CSMD2: variants seen among roughly 807,000 people sequenced by gnomAD.
The protein encoded by CSMD2 is CUB and sushi domain-containing protein 2.
CSMD2 carries 130 observed loss-of-function variants against 398.5 expected under a neutral mutation model. That is an observed-to-expected ratio of 0.33 (90% CI 0.28 to 0.38). The LOEUF (loss-of-function observed/expected upper bound fraction) is 0.38, where lower values mean the gene tolerates loss of function less well. Among genes scored for constraint, CSMD2 ranks in the 10% least tolerant of loss-of-function variants. The probability of loss-of-function intolerance (pLI) is 1.00; values close to 1 mark genes in which losing one functional copy is unlikely to be tolerated. For synonymous variants in CSMD2, 1,828 were observed against 1,908.5 expected (o/e 0.96, Z 1.10); for missense variants, 3,829 against 4,764.9 (o/e 0.80, Z 5.78).
chr1:33,568,126 CCTT>C (rs1198425949), intron 52 of CSMD2, among the ~76,000 whole-genome samples: 1 of 151,564 alleles, frequency 6.6e-6, no homozygotes, highest in East Asian at 1.9e-4. Flanking sequence ...TACAAAAAAG[CCTT>C]CTATAAAAAA....
chr1:33,975,685 C>T (rs1223694855), intron 3 of CSMD2, among the ~76,000 whole-genome samples: 1 of 152,108 alleles, frequency 6.6e-6, no homozygotes, highest in Non-Finnish European at 1.5e-5. Flanking sequence ...AGGGGAGGGC[C>T]TCCCCTCTGT....
At chr1:33,563,590 C>T (rs1453412655) in intron 53 of CSMD2, among the ~76,000 whole-genome samples, 3 of 152,132 alleles carry the variant, frequency 2.0e-5, no homozygotes, top group Admixed American at 6.5e-5. Flanking sequence ...GTAGGCACCA[C>T]CACTATACCC....
At chr1:34,086,165 C>A (rs1301550108) in intron 2 of CSMD2, among the ~76,000 whole-genome samples, 2 of 152,194 alleles carry the variant, frequency 1.3e-5, no homozygotes, top group Non-Finnish European at 1.5e-5. Context: ...GCTGTCCATA[C>A]CTCAATCAGT....
At position 33,743,615 on chromosome 1, in the gene CSMD2, G is replaced by C; in HGVS notation, c.1847-9C>G. Reference sequence around the variant, plus strand: ...GTTGAAGAAGCAGGAGACTGCAAGAGAAGAGCAGTGGAGGTCAGTAAGCAT... The same window carrying C: ...GTTGAAGAAGCAGGAGACTGCAAGACAAGAGCAGTGGAGGTCAGTAAGCAT... On this transcript the variant is annotated splice_polypyrimidine_tract_variant and intron_variant, in intron 13 of 70. Transcript: ENST00000373381. 4 of 1,577,910 alleles carry C rather than the reference G, an allele frequency of 2.5e-6. No individual in the cohort carries two copies. The highest frequency in any genetic ancestry group is 3.5e-6 in the Non-Finnish European group (4 of 1,157,926).
At position 33,680,999 on chromosome 1, in the gene CSMD2, A is replaced by G. The variant is rs113851718; in HGVS notation, c.4052+11931T>C. On this transcript the variant is annotated intron_variant, in intron 25 of 70. Transcript: ENST00000373381. ...GAGTACAGTGGCATGATCTAAGCCCACTATAAGCTCCGCCTCCTGTGTTCA... is the reference window on the plus strand; with the variant it reads ...GAGTACAGTGGCATGATCTAAGCCCGCTATAAGCTCCGCCTCCTGTGTTCA... Among the ~76,000 whole-genome samples, 989 of 120,668 alleles carry G rather than the reference A, an allele frequency of 8.2e-3. 19 individuals carry two copies. Among genetic ancestry groups the G allele is most frequent in the African/African-American group, 0.029 (917 of 31,436 alleles). 79.2% of individuals were successfully genotyped at this position (120,668 alleles called of 152,430 possible). A position where few individuals can be genotyped will look rare whatever the true frequency, so the allele number is the denominator to read the frequency against.
intron 27 of CSMD2, 75 bp downstream of exon 27, chr1:33,657,871 T>C (rs1643998647): frequency 7.2e-7 from 1 of 1,393,554 alleles, no homozygotes; most frequent in Non-Finnish European, 9.9e-7. Flanking sequence ...AAGATGCAGC[T>C]GCTGTGCATG....
intron 3 of CSMD2, among the ~76,000 whole-genome samples, chr1:33,958,261 T>C (rs993986300): frequency 2.0e-5 from 3 of 152,178 alleles, no homozygotes; most frequent in African/African-American, 4.8e-5. Flanking sequence ...ATGAGGACAA[T>C]GATAGTACCT....
intron 25 of CSMD2, among the ~76,000 whole-genome samples, chr1:33,668,209 G>A (rs540958352): frequency 1.3e-5 from 2 of 152,316 alleles, no homozygotes; most frequent in African/African-American, 2.4e-5. Flanking sequence ...GGTAGGCAGG[G>A]GCAGGGCTGG....
At chr1:33,944,075 A>C (rs762556643) in intron 3 of CSMD2, among the ~76,000 whole-genome samples, 3 of 152,054 alleles carry the variant, frequency 2.0e-5, no homozygotes, top group Non-Finnish European at 4.4e-5. Context: ...GATTTTTTCC[A>C]TGCAGTGTGA....
intron 25 of CSMD2, among the ~76,000 whole-genome samples, chr1:33,664,481 T>C (rs1644244241): frequency 6.6e-6 from 1 of 152,150 alleles, no homozygotes; most frequent in Non-Finnish European, 1.5e-5. Flanking sequence ...CTTGCCAAAG[T>C]AATTCTAGGG....
At position 34,147,974 on chromosome 1, in the gene CSMD2, C is replaced by T. The variant is rs577029893; in HGVS notation, c.187+16937G>A. ...GACAGAGCCTGTGGTCCAGAGTGGT[C>T]GAAAGCCAGAGGCAGGACACTCTAG... On this transcript the variant is annotated intron_variant, in intron 1 of 70. Transcript: ENST00000373381. 1.6e-4 allele frequency among the ~76,000 whole-genome samples: 25 copies of T among 151,810 alleles called. No individual in the cohort carries two copies. The South Asian group carries it at 3.2e-3, about 19-fold the overall frequency.
rs765814277 is a variant in CSMD2, at chr1:33,726,665, T to A, written c.2389A>T (p.Thr797Ser). The change falls in exon 16 of 71, where the codon ACT (threonine) becomes TCT (serine). Residue 797 changes from threonine to serine, a missense_variant. This residue lies in a region of CSMD2 where 2,001 missense variants were observed against 2,567.1 expected (regional missense o/e 0.78). Transcript: ENST00000373381. ...RCEAPCGGHLTSPSGTILSPG... is the reference protein window; with the variant it reads ...RCEAPCGGHLSSPSGTILSPG... Reference sequence around the variant, plus strand: ...GAGAGGATGGTGCCGCTGGGCGAAGTCAGGTGACCACCACAGGGAGCTGGG... The same window carrying A: ...GAGAGGATGGTGCCGCTGGGCGAAGACAGGTGACCACCACAGGGAGCTGGG... 2 of 1,612,022 alleles carry A rather than the reference T, an allele frequency of 1.2e-6. No individual in the cohort carries two copies. Among genetic ancestry groups the A allele is most frequent in the Admixed American group, 3.3e-5 (2 of 59,988 alleles).
intron 25 of CSMD2, among the ~76,000 whole-genome samples, chr1:33,675,540 C>T (rs1302904925): frequency 1.3e-5 from 2 of 152,182 alleles, no homozygotes; most frequent in Non-Finnish European, 2.9e-5. Flanking sequence ...CAAGGAGAAG[C>T]TGGTACCATT....
intron 3 of CSMD2, among the ~76,000 whole-genome samples, chr1:33,941,848 T>A (rs970560781): frequency 2.6e-5 from 4 of 151,816 alleles, no homozygotes; most frequent in Admixed American, 1.3e-4. Flanking sequence ...ACATGAGATA[T>A]ATAATTATAC....
intron 55 of CSMD2, 117 bp downstream of exon 55, chr1:33,557,617 G>GACGCAC (rs1658136901): frequency 1.7e-6 from 1 of 595,008 alleles, no homozygotes; most frequent in South Asian, 2.5e-5. Context: ...TACATGTGCA[G>GACGCAC]ACACACACAC....
intron 40 of CSMD2, among the ~76,000 whole-genome samples, chr1:33,612,565 T>C (rs1641079906): frequency 1.3e-5 from 2 of 152,236 alleles, no homozygotes; most frequent in African/African-American, 4.8e-5. Flanking sequence ...TACAAAAATA[T>C]AGTTCATTCA....
intron 15 of CSMD2, among the ~76,000 whole-genome samples, chr1:33,732,282 C>G (rs1284904321): frequency 6.6e-6 from 1 of 152,210 alleles, no homozygotes; most frequent in Non-Finnish European, 1.5e-5. Context: ...GAATGAAATA[C>G]TGGTTGATAG....
intron 25 of CSMD2, among the ~76,000 whole-genome samples, chr1:33,677,418 C>T (rs1350138506): frequency 1.3e-5 from 2 of 152,228 alleles, no homozygotes; most frequent in East Asian, 1.9e-4. Flanking sequence ...GAGATACCAT[C>T]TCACACCAGT....
Position 33,587,125 on chromosome 1 carries a change from G to A in CSMD2, c.6900C>T (p.Asn2300=), listed in dbSNP as rs201247458. 5.2e-5 allele frequency: 83 copies of A among 1,610,482 alleles called. No individual in the cohort carries two copies. In the East Asian group the frequency reaches 1.1e-3, roughly 21 times the overall value. The stretch of plus-strand genomic sequence containing the variant: ...CTTCATTCTCTGTGACGACTTCGGC[G>A]TTGGGGAGGATGGTGGGAGGAGGGC... ...TKCPPPTILP[N]AEVVTENEEF... The change falls in exon 45 of 71, where the codon AAC becomes AAT. Residue 2300 remains asparagine (N), a synonymous_variant. Transcript: ENST00000373381.
Sources: gnomAD v4.1 joint callset for allele counts (sites outside exome capture counted in the v4.1 genomes callset) on GRCh38, gnomAD v4.1.1 for gene constraint, gnomAD v4.1.1 regional missense constraint, MANE v1.5 for transcripts, NCBI Gene and HGNC (gene_info 2026-07-23, HGNC 2026-07-21) for gene names.